The following UNC13B variants were observed in gnomAD, a reference collection of about 807,000 sequenced individuals.
UNC13B encodes unc-13 homolog B.
UNC13B carries 144 observed loss-of-function variants against 211.0 expected under a neutral mutation model. That is an observed-to-expected ratio of 0.68 (90% CI 0.60 to 0.78). UNC13B has a LOEUF of 0.78. Ranked by LOEUF, UNC13B falls within the 30% of genes least tolerant of loss-of-function variation. The probability of loss-of-function intolerance (pLI) is 0.00; values close to 1 mark genes in which losing one functional copy is unlikely to be tolerated. For synonymous variants in UNC13B, 709 were observed against 725.8 expected, an observed-to-expected ratio of 0.98 and a Z score of 0.37; for missense variants, 1,777 against 2,002.0, an observed-to-expected ratio of 0.89 and a Z score of 2.14.
chr9:35,351,819 C>G, intron 11 of UNC13B: 2 of 1,232,266 alleles, frequency 1.6e-6, no homozygotes, highest in Non-Finnish European at 2.0e-6. Flanking sequence ...GGGTCTGGTT[C>G]TCAGGATCCC....
intron 1 of UNC13B, among the ~76,000 whole-genome samples, chr9:35,203,632 G>A (rs1303012032): frequency 6.6e-6 from 1 of 152,122 alleles, no homozygotes; most frequent in African/African-American, 2.4e-5. Flanking sequence ...ATTTGAACTT[G>A]AAAGTGATGA....
intron 7 of UNC13B, among the ~76,000 whole-genome samples, chr9:35,295,092 G>A (rs138941035): frequency 2.8e-4 from 42 of 152,266 alleles, no homozygotes; most frequent in Admixed American, 1.6e-3. Context: ...CACTGCAGCA[G>A]CACAGTAAGA....
chr9:35,339,286 G>A (rs966349748), intron 11 of UNC13B, among the ~76,000 whole-genome samples: 2 of 152,168 alleles, frequency 1.3e-5, no homozygotes, highest in African/African-American at 4.8e-5. Flanking sequence ...CCCAACTGAG[G>A]TGGGTGCTGT....
chr9:35,216,913 TA>T (rs749551465), intron 1 of UNC13B, among the ~76,000 whole-genome samples: 74 of 152,268 alleles, frequency 4.9e-4, no homozygotes, highest in Non-Finnish European at 9.3e-4. Context: ...AACAATCTCA[TA>T]AGGTCATATT....
intron 11 of UNC13B, among the ~76,000 whole-genome samples, chr9:35,340,831 A>T (rs1486023779): frequency 6.6e-6 from 1 of 152,144 alleles, no homozygotes; most frequent in East Asian, 1.9e-4. Context: ...ATGGTTGCAG[A>T]GTGGAAAGGG....
At chr9:35,172,244 A>G in intron 1 of UNC13B, among the ~76,000 whole-genome samples, 1 of 151,688 alleles carries the variant, frequency 6.6e-6, no homozygotes, top group Non-Finnish European at 1.5e-5. Flanking sequence ...TCATATTTAG[A>G]TAAATTCATA....
rs748036568 is a variant in UNC13B, at chr9:35,310,508, G to A, written c.9050G>A (p.Ser3017Asn). 2 of 1,614,110 alleles carry A rather than the reference G, an allele frequency of 1.2e-6. No individual in the cohort carries two copies. The highest frequency in any genetic ancestry group is 1.1e-5 in the South Asian group (1 of 91,076). Residue 3017 changes from serine to asparagine, a missense_variant, in exon 10 of 40, where the codon AGT (serine) becomes AAT (asparagine). By Grantham distance (46) the Ser-to-Asn change is conservative (BLOSUM62 1). Transcript: ENST00000635942. Reference sequence around the variant, plus strand: ...AGGTATGGCTCCTCCTGTAATGTGAGTCAAGGAAGCTCTCAGCTAAGTGAA... The same window carrying A: ...AGGTATGGCTCCTCCTGTAATGTGAATCAAGGAAGCTCTCAGCTAAGTGAA... ...SSRYGSSCNV[S>N]QGSSQLSELD... is the part of the protein sequence containing the mutation.
intron 15 of UNC13B, among the ~76,000 whole-genome samples, chr9:35,376,969 T>C (rs917654122): frequency 3.9e-5 from 6 of 152,152 alleles, no homozygotes; most frequent in African/African-American, 1.4e-4. Flanking sequence ...GGGAAACTAT[T>C]TTCCTGCCCT....
intron 31 of UNC13B, 39 bp from the exon 32 acceptor site, chr9:35,398,515 G>A (rs1422558778): frequency 1.2e-6 from 2 of 1,602,932 alleles, no homozygotes; most frequent in Admixed American, 3.3e-5. Flanking sequence ...AAGAGGGTAA[G>A]AAAAGCAGCC....
intron 30 of UNC13B, among the ~76,000 whole-genome samples, 181 bp downstream of exon 30, chr9:35,397,893 C>T (rs1415095354): frequency 6.6e-6 from 1 of 152,126 alleles, no homozygotes; most frequent in Non-Finnish European, 1.5e-5. Flanking sequence ...CTGTGAGTCT[C>T]ATTTGGTACA....
chr9:35,164,097 A>T (rs757660479), intron 1 of UNC13B, among the ~76,000 whole-genome samples: 5 of 152,070 alleles, frequency 3.3e-5, no homozygotes, highest in Admixed American at 6.6e-5. Context: ...GCTCACTGCA[A>T]CCTCCACCTC....
rs1381170631 is a variant in UNC13B at position 35,398,658 on chromosome 9, A to G, written c.11921+16A>G. 1.2e-6 allele frequency: 2 copies of G among 1,613,350 alleles called. No homozygotes were observed. Among genetic ancestry groups the G allele is most frequent in the Admixed American group, 1.7e-5 (1 of 59,994 alleles). ...TTGGAAACAGGTCAGTGACCCCACA[A>G]TACAAGGCCCTCAGAGCCAGATGTG... On this transcript the variant is annotated intron_variant, in intron 32 of 39. Coordinates refer to ENST00000635942, the MANE Select transcript of UNC13B (RefSeq NM_001371189.2).
rs1829859567 is a variant in UNC13B, at chr9:35,305,039, A to G, written c.5635A>G (p.Thr1879Ala). ...AGGTGTAAAAGATGATGAAATCATT[A>G]CAACAGACTCTATTTCAGTTTCTCC... is the stretch of plus-strand genomic sequence containing the variant. ...KSGVKDDEII[T>A]TDSISVSPAP... is the part of the protein sequence containing the mutation. Residue 1879 changes from threonine to alanine, a missense_variant, in exon 9 of 40, where the codon ACA becomes GCA. Physicochemically the swap from Thr to Ala is moderately conservative, Grantham distance 58. Transcript: ENST00000635942. The G allele has an allele frequency of 2.5e-6, 1 of 398,882 alleles. No individual in the cohort carries two copies. Among genetic ancestry groups the G allele is most frequent in the Non-Finnish European group, 4.4e-6 (1 of 226,030 alleles). The allele number at this position is 398,882 out of a possible 1,614,324, so 24.7% of individuals were successfully genotyped here. A position where few individuals can be genotyped will look rare whatever the true frequency, so the allele number is the denominator to read the frequency against.
At chr9:35,270,211 C>T (rs1049027011) in intron 7 of UNC13B, among the ~76,000 whole-genome samples, 8 of 152,094 alleles carry the variant, frequency 5.3e-5, no homozygotes, top group African/African-American at 1.9e-4. Flanking sequence ...AGGGCTCTTG[C>T]TTCTTGGCTC....
chr9:35,352,531 C>T, intron 11 of UNC13B: 1 of 1,232,068 alleles, frequency 8.1e-7, no homozygotes, highest in Non-Finnish European at 1.0e-6. Context: ...CTTCTTTAAA[C>T]CAGGATGAAC....
intron 6 of UNC13B, among the ~76,000 whole-genome samples, chr9:35,252,177 A>G (rs964314695): frequency 1.3e-5 from 2 of 152,134 alleles, no homozygotes; most frequent in Non-Finnish European, 2.9e-5. Flanking sequence ...CATTTTTGTG[A>G]TAGAGGTGAT....
chr9:35,214,560 A>G (rs1328999672), intron 1 of UNC13B, among the ~76,000 whole-genome samples: 3 of 152,202 alleles, frequency 2.0e-5, no homozygotes, highest in East Asian at 1.9e-4. Context: ...TTTTGAATGT[A>G]TACTAGAAAG....
intron 6 of UNC13B, among the ~76,000 whole-genome samples, chr9:35,253,094 C>T (rs1826609184): frequency 6.6e-6 from 1 of 152,208 alleles, no homozygotes; most frequent in African/African-American, 2.4e-5. Flanking sequence ...TGGAATATTA[C>T]TATGTATTTA....
chr9:35,371,265 G>T (rs749450615), intron 13 of UNC13B, among the ~76,000 whole-genome samples: 24 of 151,454 alleles, frequency 1.6e-4, no homozygotes, highest in Non-Finnish European at 3.4e-4. Flanking sequence ...AGTATCATCT[G>T]CCATTTTCTC....
Sources: allele counts gnomAD v4.1 joint callset (sites outside exome capture counted in the v4.1 genomes callset), GRCh38; gene constraint gnomAD v4.1.1; transcripts MANE v1.5; gene names NCBI Gene and HGNC (gene_info 2026-07-23, HGNC 2026-07-21).